The following ECE1 variants were observed in gnomAD, a reference collection of about 807,000 sequenced individuals.
The protein encoded by ECE1 is endothelin-converting enzyme 1.
In ECE1, 35 loss-of-function variants were observed where a neutral mutation model predicts 98.6. The observed-to-expected ratio is 0.35, with a 90% confidence interval of 0.27 to 0.47. The LOEUF is 0.47. Among genes scored for constraint, ECE1 ranks in the 20% least tolerant of loss-of-function variants. The pLI is 1.00. For missense variants in ECE1, 814 were observed against 1,025.3 expected, an observed-to-expected ratio of 0.79 and a Z score of 2.81; for synonymous variants, 394 against 407.1, an observed-to-expected ratio of 0.97 and a Z score of 0.39.
intron 17 of ECE1, among the ~76,000 whole-genome samples, chr1:21,222,586 A>C (rs991508378): frequency 3.3e-5 from 5 of 152,080 alleles, no homozygotes; most frequent in African/African-American, 1.2e-4. Flanking sequence ...GACACCTGTA[A>C]TCCCAGCACT....
intron 4 of ECE1, among the ~76,000 whole-genome samples, chr1:21,264,321 T>C (rs150468480): frequency 0.047 from 521 of 10,972 alleles, 1 homozygote; most frequent in Middle Eastern, 0.12. Flanking sequence ...CCCCCCCCCC[T>C]TTTTTTTTTT....
At position 21,219,914 on chromosome 1, in the gene ECE1, G is replaced by C. The variant is rs746368102; in HGVS notation, c.*41C>G. ...AGGCTGGATGGGGGTCTCGTCCTCA[G>C]CCCCTTCCCCTCCTCCGTCTTGGCT... On this transcript the variant is annotated 3_prime_UTR_variant, in exon 19 of 19. Transcript: ENST00000374893. This position sits in a 1 kb window ranked among gnomAD's most constrained non-coding sequence, Gnocchi z 4.5. 1 of 1,611,964 alleles carries C rather than the reference G, an allele frequency of 6.2e-7. No individual in the cohort carries two copies. The highest frequency in any genetic ancestry group is 1.3e-5 in the African/African-American group (1 of 75,006).
intron 1 of ECE1, among the ~76,000 whole-genome samples, chr1:21,300,193 G>C (rs1056206996): frequency 7.2e-5 from 11 of 152,274 alleles, no homozygotes; most frequent in African/African-American, 2.7e-4. Flanking sequence ...GTTCCCTGCT[G>C]CTGGCCTGCT....
chr1:21,226,101 G>C (rs975016880), intron 16 of ECE1, among the ~76,000 whole-genome samples: 1 of 152,156 alleles, frequency 6.6e-6, no homozygotes, highest in African/African-American at 2.4e-5. Flanking sequence ...AGGCCACCCA[G>C]GTCTCTGCTT....
intron 9 of ECE1, among the ~76,000 whole-genome samples, chr1:21,246,616 G>T (rs1329925337): frequency 6.6e-6 from 1 of 152,052 alleles, no homozygotes; most frequent in Non-Finnish European, 1.5e-5. Flanking sequence ...ACCTCATATG[G>T]ATTGTTTCAC....
At chr1:21,253,151 G>C (rs2103275859) in intron 8 of ECE1, among the ~76,000 whole-genome samples, 1 of 152,040 alleles carries the variant, frequency 6.6e-6, no homozygotes, top group East Asian at 1.9e-4. Flanking sequence ...CCGCCTCCTG[G>C]GTTCAAGTGA....
chr1:21,298,826 C>T (rs754484931), intron 1 of ECE1: 10 of 456,206 alleles, frequency 2.2e-5, no homozygotes, highest in South Asian at 1.5e-4. Flanking sequence ...CCTGCTCCAT[C>T]CTTACGACTT....
At chr1:21,296,112 AT>A (rs1024397621) in intron 1 of ECE1, among the ~76,000 whole-genome samples, 5 of 152,096 alleles carry the variant, frequency 3.3e-5, no homozygotes, top group African/African-American at 1.2e-4. Context: ...TTCAGCCAAC[AT>A]TTGTTGTTAC....
intron 3 of ECE1, among the ~76,000 whole-genome samples, chr1:21,276,328 A>G (rs2098247153): frequency 6.6e-6 from 1 of 152,012 alleles, no homozygotes; most frequent in Non-Finnish European, 1.5e-5. Flanking sequence ...GCCCGGCCTC[A>G]ATACGTGTTT....
chr1:21,273,779 C>T (rs1188830171), intron 3 of ECE1, among the ~76,000 whole-genome samples: 3 of 152,114 alleles, frequency 2.0e-5, no homozygotes, highest in African/African-American at 4.8e-5. Context: ...CGTTTGAACC[C>T]GGGAGATGGA....
In ECE1 at chr1:21,220,988, G is replaced by A. The variant is rs374760961; in HGVS notation, c.2136+759C>T. Among the ~76,000 whole-genome samples the A allele has an allele frequency of 1.8e-4, 28 of 152,318 alleles. 1 individual carries two copies. The highest frequency in any genetic ancestry group is 3.8e-4 in the Non-Finnish European group (26 of 68,028). ...TCCAAACTGTTCTCCTTCAGCCAGC[G>A]CAGCATCTCTGAGGCAACTGCATTC... is the stretch of plus-strand genomic sequence containing the variant. On this transcript the variant is annotated intron_variant, in intron 18 of 18. Coordinates refer to ENST00000374893, the MANE Select transcript of ECE1 (RefSeq NM_001397.3). The surrounding 1 kb of genome is among the most constrained non-coding windows in gnomAD (Gnocchi z 5.0).
chr1:21,224,016 G>A (rs2098170691), intron 17 of ECE1, among the ~76,000 whole-genome samples: 1 of 152,110 alleles, frequency 6.6e-6, no homozygotes, highest in South Asian at 2.1e-4. Context: ...GCAGCCGACA[G>A]AAGCCTGGAG....
At chr1:21,295,805 C>T (rs1050030927) in intron 1 of ECE1, among the ~76,000 whole-genome samples, 3 of 152,216 alleles carry the variant, frequency 2.0e-5, no homozygotes, top group Non-Finnish European at 4.4e-5. Flanking sequence ...TTAGAAACAA[C>T]ATTTATCAGG....
chr1:21,320,740 C>A (rs1213312509), intron 1 of ECE1, among the ~76,000 whole-genome samples: 2 of 152,236 alleles, frequency 1.3e-5, no homozygotes, highest in Non-Finnish European at 2.9e-5. Context: ...GGGGCCGCAG[C>A]CTCATCTCTG....
At chr1:21,293,750 G>A (rs1212886498), upstream of ECE1, 3 of 152,132 alleles carry the variant, frequency 2.0e-5, no homozygotes, top group Non-Finnish European at 4.4e-5. Context: ...GTGGGTGAGT[G>A]ACATTTCAAC....
chr1:21,323,212 C>T (rs919756258), intron 1 of ECE1, among the ~76,000 whole-genome samples: 13 of 152,138 alleles, frequency 8.5e-5, no homozygotes, highest in Admixed American at 2.0e-4. Context: ...AGCATGAAAC[C>T]TCAAGAGTGG....
chr1:21,219,597 GT>G lies in ECE1; in HGVS notation c.*357del, dbSNP rs1327915013. 2.3e-5 allele frequency: 7 copies of G among 306,820 alleles called. No homozygotes were observed. The East Asian group carries it at 4.5e-4, about 20-fold the overall frequency. The allele number at this position is 306,820 out of a possible 1,614,324, so 19.0% of individuals were successfully genotyped here. ...GAAGATTTCCAGTGTATTCCACAGT[GT>G]TTAAAAAATAGTTTCCCCAAAAATA... On this transcript the variant is annotated 3_prime_UTR_variant, in exon 19 of 19. Coordinates refer to ENST00000374893, the MANE Select transcript of ECE1 (RefSeq NM_001397.3). The surrounding 1 kb of genome is among the most constrained non-coding windows in gnomAD (Gnocchi z 4.5).
In ECE1 at chr1:21,228,019, C is replaced by T; in HGVS notation, c.1693G>A (p.Val565Met). ...TTGGTGGGCGAGTAGTAGGCGTTCA[C>T]CATGGGCGGGGTCATGCTCCACCTG... ...RDQWSMTPPM[V>M]NAYYSPTKNE... is the part of the protein sequence containing the mutation. Residue 565 changes from valine (V) to methionine (M), a missense_variant, in exon 15 of 19, where the codon GTG (valine) becomes ATG (methionine). Physicochemically the swap from Val to Met is conservative, Grantham distance 21. This residue lies in a region of ECE1 where 452 missense variants were observed against 567.3 expected (regional missense o/e 0.80). Coordinates refer to ENST00000374893, the MANE Select transcript of ECE1 (RefSeq NM_001397.3). The T allele has an allele frequency of 6.4e-7, 1 of 1,563,444 alleles. No individual in the cohort carries two copies. Among genetic ancestry groups the T allele is most frequent in the Admixed American group, 1.9e-5 (1 of 52,830 alleles).
chr1:21,298,831 C>T (rs181801225), intron 1 of ECE1: 30 of 456,304 alleles, frequency 6.6e-5, no homozygotes, highest in East Asian at 2.8e-4. Context: ...TCCATCCTTA[C>T]GACTTCAGGT....
Sources: gnomAD v4.1 joint callset for allele counts (sites outside exome capture counted in the v4.1 genomes callset) on GRCh38, gnomAD v4.1.1 for gene constraint, gnomAD v4.1.1 regional missense constraint, Gnocchi (gnomAD v3.1) non-coding constraint, MANE v1.5 for transcripts, NCBI Gene and HGNC (gene_info 2026-07-23, HGNC 2026-07-21) for gene names.